The following OPHN1 variants were observed in gnomAD, a reference collection of about 807,000 sequenced individuals.
OPHN1 encodes oligophrenin 1, also known as oligophrenin-1.
Under a neutral mutation model 60.7 loss-of-function variants are expected in OPHN1, and 11 were observed. The ratio of observed to expected loss-of-function variants is 0.18; its 90% CI spans 0.11 to 0.30. The LOEUF (loss-of-function observed/expected upper bound fraction) is 0.30, where lower values mean the gene tolerates loss of function less well. Ranked by LOEUF, OPHN1 falls within the 10% of genes least tolerant of loss-of-function variation. The pLI, the probability that OPHN1 is intolerant of heterozygous loss-of-function variation, is 1.00. For synonymous variants in OPHN1, 226 were observed against 222.6 expected (o/e 1.02, Z -0.14); for missense variants, 449 against 611.0 (o/e 0.73, Z 2.80).
intron 5 of OPHN1, among the ~76,000 whole-genome samples, chrX:68,261,899 A>G (rs1422470556): frequency 9.0e-6 from 1 of 111,649 alleles, no homozygotes; most frequent in Non-Finnish European, 1.9e-5. Flanking sequence ...GTTCCAGACT[A>G]GAATAGTAAT....
At chrX:68,240,285 C>A (rs1264112941) in intron 5 of OPHN1, among the ~76,000 whole-genome samples, 2 of 112,003 alleles carry the variant, frequency 1.8e-5, no homozygotes, top group African/African-American at 6.5e-5. Context: ...AATTTTCCTG[C>A]AATTCTAATT....
intron 14 of OPHN1, 139 bp from the exon 15 acceptor site, chrX:68,193,132 A>G (rs1282249619): frequency 9.6e-6 from 5 of 518,878 alleles, no homozygotes; most frequent in Non-Finnish European, 1.8e-5. Flanking sequence ...TAACAGGGGA[A>G]TAGTCCTACA....
intron 15 of OPHN1, among the ~76,000 whole-genome samples, chrX:68,177,347 A>C (rs2077418707): frequency 2.7e-5 from 3 of 109,467 alleles, no homozygotes. Flanking sequence ...AAAATAGTTA[A>C]GATGGTAAAT....
At chrX:68,148,419 C>G (rs79383505) in intron 15 of OPHN1, among the ~76,000 whole-genome samples, 2 of 109,671 alleles carry the variant, frequency 1.8e-5, no homozygotes, top group Admixed American at 9.8e-5. Context: ...CAGTGGAGAC[C>G]AAATGAACAC....
chrX:68,054,372 T>C (rs1024457491), intron 21 of OPHN1, among the ~76,000 whole-genome samples: 25 of 111,092 alleles, frequency 2.3e-4, no homozygotes, highest in Admixed American at 9.6e-5. Flanking sequence ...AGTAGGACTA[T>C]AGTGAAACAG....
chrX:68,223,404 T>G lies in OPHN1; in HGVS notation c.487-9432A>C, dbSNP rs149626547. ...CCATGAAACAGAACAAAATAATGTCTTTTACAGAAACTGGAACTGGAGGCC... is the reference window on the plus strand; with the variant it reads ...CCATGAAACAGAACAAAATAATGTCGTTTACAGAAACTGGAACTGGAGGCC... On this transcript the variant is annotated intron_variant, in intron 6 of 24. Coordinates refer to ENST00000355520, the MANE Select transcript of OPHN1 (RefSeq NM_002547.3). Among the ~76,000 whole-genome samples the G allele has an allele frequency of 2.0e-3, 228 of 112,263 alleles. 1 individual carries two copies. Among genetic ancestry groups the G allele is most frequent in the Non-Finnish European group, 2.6e-3 (138 of 53,240 alleles).
At chrX:68,380,951 A>T (rs1445740840) in intron 2 of OPHN1, among the ~76,000 whole-genome samples, 1 of 111,312 alleles carries the variant, frequency 9.0e-6, no homozygotes, top group African/African-American at 3.3e-5. Flanking sequence ...AAGTGAAGTG[A>T]CCTAAGGTTC....
intron 15 of OPHN1, among the ~76,000 whole-genome samples, chrX:68,177,383 TA>T (rs112505249): frequency 0.22 from 23,747 of 110,318 alleles, 2,271 homozygotes; most frequent in African/African-American, 0.33. Context: ...TTACCACAAT[TA>T]AAAATAAAAG....
At chrX:68,247,468 G>A (rs920142521) in intron 5 of OPHN1, among the ~76,000 whole-genome samples, 1 of 111,557 alleles carries the variant, frequency 9.0e-6, no homozygotes, top group Non-Finnish European at 1.9e-5. Context: ...GGAATCTACA[G>A]AGGACAGGCC....
intron 2 of OPHN1, among the ~76,000 whole-genome samples, chrX:68,416,067 T>TAGAGAGAGAGAGAGAG (rs1171250178): frequency 1.2e-4 from 1 of 8,348 alleles, no homozygotes; most frequent in African/African-American, 2.3e-4. Context: ...TATATATATA[T>TAGAGAGAGAGAGAGAG]AGAGAGAGAG....
intron 15 of OPHN1, among the ~76,000 whole-genome samples, chrX:68,122,050 C>T (rs1052354201): frequency 4.5e-5 from 5 of 110,519 alleles, no homozygotes; most frequent in Admixed American, 2.9e-4. Flanking sequence ...GGGCCTTAGA[C>T]GAAACTTTGT....
At chrX:68,428,251 G>A (rs1469511699) in intron 2 of OPHN1, among the ~76,000 whole-genome samples, 2 of 111,565 alleles carry the variant, frequency 1.8e-5, no homozygotes, top group African/African-American at 6.5e-5. Flanking sequence ...TCTAAAAAAT[G>A]GGAATAATAA....
At chrX:68,233,000 C>T (rs1246191911) in intron 6 of OPHN1, among the ~76,000 whole-genome samples, 1 of 107,201 alleles carries the variant, frequency 9.3e-6, no homozygotes, top group Admixed American at 1.0e-4. Flanking sequence ...GTGATCTCAG[C>T]TCACTGCAAC....
At chrX:68,210,571 T>C (rs2077580360) in intron 8 of OPHN1, among the ~76,000 whole-genome samples, 1 of 111,905 alleles carries the variant, frequency 8.9e-6, no homozygotes, top group Non-Finnish European at 1.9e-5. Context: ...ATAAGCAATC[T>C]TAGAATTCTG....
intron 4 of OPHN1, 32 bp from the exon 5 acceptor site, chrX:68,274,841 T>G (rs776586678): frequency 9.4e-7 from 1 of 1,065,357 alleles, no homozygotes. Flanking sequence ...ACAAAACAAT[T>G]TCTAGGTTAA....
Position 68,047,102 on chromosome X carries a change from T to C in OPHN1, c.*70A>G, listed in dbSNP as rs1043530851. On this transcript the variant is annotated 3_prime_UTR_variant, in exon 25 of 25. Coordinates refer to ENST00000355520, the MANE Select transcript of OPHN1 (RefSeq NM_002547.3). ...ACAAAATGACTCCGCACACAAAGGTTTGAAGAAGAAAGACTCTTTCAGAAC... is the reference window on the plus strand; with the variant it reads ...ACAAAATGACTCCGCACACAAAGGTCTGAAGAAGAAAGACTCTTTCAGAAC... 1.8e-5 allele frequency: 2 copies of C among 111,785 alleles called. No homozygotes were observed. The highest frequency in any genetic ancestry group is 7.6e-4 in the South Asian group (2 of 2,633). The allele number at this position is 111,785 out of a possible 1,213,427, so 9.2% of individuals were successfully genotyped here.
chrX:68,310,763 C>T (rs2078169143), intron 2 of OPHN1, among the ~76,000 whole-genome samples: 1 of 111,293 alleles, frequency 9.0e-6, no homozygotes, highest in Non-Finnish European at 1.9e-5. Flanking sequence ...AACAACACTG[C>T]CAAAAAATGG....
At chrX:68,149,828 C>T (rs2077278185) in intron 15 of OPHN1, among the ~76,000 whole-genome samples, 1 of 110,787 alleles carries the variant, frequency 9.0e-6, no homozygotes, top group African/African-American at 3.3e-5. Context: ...AAAACAGACA[C>T]TCAAACAAGT....
Position 68,053,661 on chromosome X carries a change from C to T in OPHN1, c.2308G>A (p.Glu770Lys). The T allele has an allele frequency of 8.3e-7, 1 of 1,210,980 alleles. No individual in the cohort carries two copies. Residue 770 changes from glutamate (E) to lysine (K), a missense_variant, in exon 22 of 25, where the codon GAA becomes AAA. Around this residue, in one of 4 missense-constraint regions of OPHN1, gnomAD observed 184 missense variants for 160.5 expected, o/e 1.15. Coordinates refer to ENST00000355520, the MANE Select transcript of OPHN1 (RefSeq NM_002547.3). Reference sequence around the variant, plus strand: ...CCTACTTACACAGATGATGTGATTTCCCCCGCATTGCCAGCCACAATATCT... The same window carrying T: ...CCTACTTACACAGATGATGTGATTTTCCCCGCATTGCCAGCCACAATATCT... Reference protein sequence around the residue: ...KPDIVAGNAGEITSSVVASRT... With the variant: ...KPDIVAGNAGKITSSVVASRT...
Sources: allele counts gnomAD v4.1 joint callset (sites outside exome capture counted in the v4.1 genomes callset), GRCh38; gene constraint gnomAD v4.1.1; regional missense constraint gnomAD v4.1.1; transcripts MANE v1.5; gene names NCBI Gene and HGNC (gene_info 2026-07-23, HGNC 2026-07-21).